LRRC4C: variants seen among roughly 807,000 people sequenced by gnomAD.
LRRC4C encodes the protein leucine-rich repeat-containing protein 4C.
Under a neutral mutation model 33.6 loss-of-function variants are expected in LRRC4C, and 5 were observed. The ratio of observed to expected loss-of-function variants is 0.15; its 90% CI spans 0.08 to 0.31. The LOEUF (loss-of-function observed/expected upper bound fraction) is 0.31. LRRC4C is among the 10% of genes least tolerant of loss of function. The pLI is 1.00. For synonymous variants in LRRC4C, 329 were observed against 302.0 expected, an observed-to-expected ratio of 1.09 and a Z score of -0.93; for missense variants, 560 against 796.7, an observed-to-expected ratio of 0.70 and a Z score of 3.58.
rs564852456 is a variant in LRRC4C at position 41,358,159 on chromosome 11, G to C, written c.-496+101272C>G. On this transcript the variant is annotated intron_variant, in intron 1 of 6. Transcript: ENST00000528697. ...AAGGCATACCAAAGGAGAAAATACA[G>C]CTTTTTGAAATGATGCTCAAACAAT... 8.5e-4 allele frequency among the ~76,000 whole-genome samples: 130 copies of C among 152,152 alleles called. No homozygotes were observed. The Middle Eastern group carries it at 0.01, about 12-fold the overall frequency.
At chr11:40,833,257 T>C (rs1451373084) in intron 2 of LRRC4C, among the ~76,000 whole-genome samples, 1 of 152,156 alleles carries the variant, frequency 6.6e-6, no homozygotes, top group African/African-American at 2.4e-5. Context: ...ATTATCAGAA[T>C]TGAAATTGCT....
At chr11:40,617,078 C>T (rs1008700190) in intron 3 of LRRC4C, among the ~76,000 whole-genome samples, 2 of 151,776 alleles carry the variant, frequency 1.3e-5, no homozygotes, top group South Asian at 2.1e-4. Context: ...GTCTCACCCA[C>T]ATCTAGGTGA....
At chr11:41,055,706 C>T (rs983048612) in intron 1 of LRRC4C, among the ~76,000 whole-genome samples, 8 of 151,846 alleles carry the variant, frequency 5.3e-5, no homozygotes, top group Non-Finnish European at 8.8e-5. Context: ...ACAGACTATA[C>T]GTATGCTTTT....
chr11:41,355,028 A>G (rs1419023529), intron 1 of LRRC4C, among the ~76,000 whole-genome samples: 1 of 152,162 alleles, frequency 6.6e-6, no homozygotes, highest in Non-Finnish European at 1.5e-5. Flanking sequence ...CAGCTCAGCA[A>G]AAGAAACTAT....
chr11:40,703,202 T>C (rs61886843), intron 2 of LRRC4C, among the ~76,000 whole-genome samples: 3,953 of 152,144 alleles, frequency 0.026, 81 homozygotes, highest in Middle Eastern at 0.041. Flanking sequence ...CCAAATATCC[T>C]ACAATGCCCA....
chr11:40,731,292 C>T (rs1272856675), intron 2 of LRRC4C, among the ~76,000 whole-genome samples: 1 of 151,936 alleles, frequency 6.6e-6, no homozygotes, highest in African/African-American at 2.4e-5. Flanking sequence ...GCACTCCAGC[C>T]TGGGCAACAG....
intron 5 of LRRC4C, among the ~76,000 whole-genome samples, chr11:40,157,911 G>C (rs138406002): frequency 6.6e-6 from 1 of 152,204 alleles, no homozygotes; most frequent in African/African-American, 2.4e-5. Flanking sequence ...CCACTACTGG[G>C]TAGGATTACC....
intron 5 of LRRC4C, among the ~76,000 whole-genome samples, chr11:40,199,487 GA>G (rs957655604): frequency 2.6e-5 from 4 of 152,146 alleles, no homozygotes; most frequent in African/African-American, 9.7e-5. Context: ...TGATTGCAAT[GA>G]GCCACTAGGT....
At chr11:40,413,712 T>C (rs2137664104) in intron 3 of LRRC4C, among the ~76,000 whole-genome samples, 1 of 152,246 alleles carries the variant, frequency 6.6e-6, no homozygotes, top group African/African-American at 2.4e-5. Flanking sequence ...TGTAATGAAG[T>C]GAATGTTGTT....
intron 2 of LRRC4C, among the ~76,000 whole-genome samples, chr11:40,921,603 T>G (rs1957183297): frequency 6.6e-6 from 1 of 152,286 alleles, no homozygotes; most frequent in Middle Eastern, 3.4e-3. Context: ...ATCACCTTGT[T>G]TTTTTCAACA....
intron 1 of LRRC4C, among the ~76,000 whole-genome samples, chr11:41,110,630 A>G (rs1342120195): frequency 6.6e-6 from 1 of 151,972 alleles, no homozygotes; most frequent in African/African-American, 2.4e-5. Flanking sequence ...TGTGCTGAAA[A>G]CTTTTTATTG....
chr11:40,936,795 T>C (rs1386854101), intron 1 of LRRC4C, among the ~76,000 whole-genome samples: 2 of 152,168 alleles, frequency 1.3e-5, no homozygotes, highest in South Asian at 2.1e-4. Flanking sequence ...ATAATTTGCA[T>C]AAGGACATAA....
chr11:40,222,820 G>A (rs1204430070), intron 5 of LRRC4C, among the ~76,000 whole-genome samples: 1 of 152,068 alleles, frequency 6.6e-6, no homozygotes, highest in Non-Finnish European at 1.5e-5. Context: ...TCATTTAGTG[G>A]GGGAAGATCA....
intron 1 of LRRC4C, among the ~76,000 whole-genome samples, chr11:40,956,412 T>C (rs1958957255): frequency 6.6e-6 from 1 of 151,770 alleles, no homozygotes; most frequent in African/African-American, 2.4e-5. Flanking sequence ...AATATTAATT[T>C]CTGGCAGTCC....
intron 1 of LRRC4C, among the ~76,000 whole-genome samples, chr11:41,214,066 A>G (rs1196252225): frequency 2.0e-5 from 3 of 152,196 alleles, no homozygotes; most frequent in Admixed American, 6.5e-5. Context: ...GTCTGTCAGA[A>G]TTTGTCATCT....
intron 5 of LRRC4C, among the ~76,000 whole-genome samples, chr11:40,218,890 A>G (rs1428820809): frequency 6.6e-6 from 1 of 152,060 alleles, no homozygotes; most frequent in Non-Finnish European, 1.5e-5. Context: ...CTTCCAAGCC[A>G]GATGGCATCC....
In LRRC4C at chr11:40,321,351, C is replaced by G. The variant is rs58375830; in HGVS notation, c.-269-1630G>C. 4.0e-3 allele frequency among the ~76,000 whole-genome samples: 611 copies of G among 152,272 alleles called. 4 individuals are homozygous for G. The highest frequency in any genetic ancestry group is 0.014 in the African/African-American group (567 of 41,568). ...AAAGATAATTTTAAAACTGGCATAT[C>G]AGATTTGTTTGCTACTATTATTAGA... On this transcript the variant is annotated intron_variant, in intron 3 of 6. Coordinates refer to ENST00000528697, the MANE Select transcript of LRRC4C (RefSeq NM_001258419.2).
chr11:40,148,916 A>T (rs189900206), intron 5 of LRRC4C, among the ~76,000 whole-genome samples: 1 of 152,320 alleles, frequency 6.6e-6, no homozygotes, highest in Admixed American at 6.5e-5. Flanking sequence ...CAGTTACCCC[A>T]GCACTATTAA....
At position 41,161,124 on chromosome 11, in the gene LRRC4C, T is replaced by A. The variant is rs188671516; in HGVS notation, c.-495-227401A>T. Reference sequence around the variant, plus strand: ...AAGAAAAACAAATGCCCATGATAACTACAATCAAGAAATAGTTTATTCCAT... The same window carrying A: ...AAGAAAAACAAATGCCCATGATAACAACAATCAAGAAATAGTTTATTCCAT... On this transcript the variant is annotated intron_variant, in intron 1 of 6. Coordinates refer to ENST00000528697, the MANE Select transcript of LRRC4C (RefSeq NM_001258419.2). Among the ~76,000 whole-genome samples, 439 of 152,160 alleles carry A rather than the reference T, an allele frequency of 2.9e-3. 1 individual carries two copies. The highest frequency in any genetic ancestry group is 4.2e-3 in the Non-Finnish European group (287 of 68,028).
Sources: allele counts gnomAD v4.1 joint callset (sites outside exome capture counted in the v4.1 genomes callset), GRCh38; gene constraint gnomAD v4.1.1; transcripts MANE v1.5; gene names NCBI Gene and HGNC (gene_info 2026-07-23, HGNC 2026-07-21).